TBC1D22A: variants seen among roughly 807,000 people sequenced by gnomAD.
The protein encoded by TBC1D22A is TBC1 domain family member 22A.
In TBC1D22A, 38 loss-of-function variants were observed where a neutral mutation model predicts 60.2. The observed-to-expected ratio is 0.63, with a 90% CI of 0.49 to 0.83. TBC1D22A has a LOEUF of 0.83. Among genes scored for constraint, TBC1D22A ranks in the 40% least tolerant of loss-of-function variants. TBC1D22A has a pLI of 0.00. For synonymous variants in TBC1D22A, 302 were observed against 281.7 expected (o/e 1.07, Z -0.72); for missense variants, 628 against 701.0 (o/e 0.90, Z 1.18).
At chr22:47,171,072 T>C (rs1317009029) in intron 12 of TBC1D22A, among the ~76,000 whole-genome samples, 3 of 152,142 alleles carry the variant, frequency 2.0e-5, no homozygotes, top group Non-Finnish European at 4.4e-5. Context: ...CCTGCACAGC[T>C]CAGCTCATCC....
At chr22:47,024,023 C>T (rs2062172382) in intron 10 of TBC1D22A, among the ~76,000 whole-genome samples, 1 of 152,212 alleles carries the variant, frequency 6.6e-6, no homozygotes. Flanking sequence ...TGTGGGTTTT[C>T]TAACACATGC....
chr22:47,112,638 C>T (rs1331194163), intron 12 of TBC1D22A, among the ~76,000 whole-genome samples: 1 of 152,236 alleles, frequency 6.6e-6, no homozygotes, highest in African/African-American at 2.4e-5. Context: ...GAGCTGCCAA[C>T]AGATCCTGGC....
intron 10 of TBC1D22A, among the ~76,000 whole-genome samples, chr22:47,016,657 C>T (rs1347135611): frequency 6.6e-6 from 1 of 152,234 alleles, no homozygotes; most frequent in Admixed American, 6.5e-5. Context: ...CCACCAAGCT[C>T]CTGTCCTTTG....
intron 9 of TBC1D22A, among the ~76,000 whole-genome samples, chr22:46,984,570 C>T (rs1203633034): frequency 6.6e-6 from 1 of 152,048 alleles, no homozygotes. Flanking sequence ...AGTCATACTG[C>T]TACTCTTAGG....
chr22:46,953,294 G>C (rs949135260), intron 8 of TBC1D22A, among the ~76,000 whole-genome samples: 1 of 151,958 alleles, frequency 6.6e-6, no homozygotes, highest in Non-Finnish European at 1.5e-5. Flanking sequence ...CTTTCTGTTG[G>C]CCCCTGGGTT....
At chr22:46,980,276 G>A (rs1016038171) in intron 9 of TBC1D22A, among the ~76,000 whole-genome samples, 4 of 152,162 alleles carry the variant, frequency 2.6e-5, no homozygotes, top group East Asian at 3.8e-4. Context: ...TCCATCTCCC[G>A]GGTTCAAGTG....
intron 1 of TBC1D22A, among the ~76,000 whole-genome samples, chr22:46,779,619 A>G (rs942911669): frequency 2.6e-5 from 4 of 152,206 alleles, no homozygotes; most frequent in East Asian, 3.9e-4. Flanking sequence ...ATAAACACAC[A>G]TTGCTTTTGT....
At chr22:47,112,489 C>G (rs1265556346) in intron 12 of TBC1D22A, among the ~76,000 whole-genome samples, 1 of 152,194 alleles carries the variant, frequency 6.6e-6, no homozygotes, top group Admixed American at 6.5e-5. Flanking sequence ...GCCTGTTGTT[C>G]CCCAGCTCTG....
chr22:47,115,770 A>G (rs927951128), intron 12 of TBC1D22A: 2 of 152,296 alleles, frequency 1.3e-5, no homozygotes, highest in African/African-American at 4.8e-5. Flanking sequence ...GGCCAGCTCC[A>G]GCATGTCATG....
intron 11 of TBC1D22A, among the ~76,000 whole-genome samples, chr22:47,070,614 C>T (rs71313090): frequency 0.015 from 1,205 of 78,978 alleles, no homozygotes; most frequent in Middle Eastern, 0.078. Flanking sequence ...TCCAGGCTGT[C>T]CCCTGTTGTT....
intron 6 of TBC1D22A, among the ~76,000 whole-genome samples, chr22:46,893,780 C>T (rs1295280344): frequency 1.3e-5 from 2 of 152,382 alleles, no homozygotes; most frequent in Non-Finnish European, 1.5e-5. Flanking sequence ...TCTTCCTCCT[C>T]CTCCTCGGCA....
Position 46,997,798 on chromosome 22 carries a change from C to T in TBC1D22A, c.1201+89C>T, listed in dbSNP as rs775501409. The T allele has an allele frequency of 5.7e-5, 69 of 1,215,892 alleles. 1 individual carries two copies. Among genetic ancestry groups the T allele is most frequent in the Non-Finnish European group, 7.7e-5 (64 of 831,108 alleles). The allele number at this position is 1,215,892 out of a possible 1,614,324, so 75.3% of individuals were successfully genotyped here. ...GGGACAGGGAGCTGTCCTCATCCGC[C>T]GGCAGCATCCTGGCCTGCTCAGGAT... On this transcript the variant is annotated intron_variant, in intron 10 of 12. Transcript: ENST00000337137.
chr22:46,891,505 G>A, intron 6 of TBC1D22A, 111 bp downstream of exon 6: 1 of 1,195,256 alleles, frequency 8.4e-7, no homozygotes. Flanking sequence ...AGTTAAAGAT[G>A]CAGGTCCCTG....
chr22:46,825,423 C>T (rs186311283), intron 4 of TBC1D22A, among the ~76,000 whole-genome samples: 16 of 152,238 alleles, frequency 1.1e-4, no homozygotes, highest in Admixed American at 1.0e-3. Context: ...ACTTTGTTCT[C>T]TCCCTTCATA....
chr22:46,765,956 TA>T (rs1375087379), intron 1 of TBC1D22A, among the ~76,000 whole-genome samples: 1 of 100,022 alleles, frequency 1.0e-5, no homozygotes, highest in African/African-American at 4.2e-5. Flanking sequence ...CCAGCTAATT[TA>T]TGTGTGTGTG....
intron 12 of TBC1D22A, among the ~76,000 whole-genome samples, chr22:47,141,065 G>C (rs1245431418): frequency 1.3e-5 from 2 of 152,338 alleles, no homozygotes; most frequent in South Asian, 4.1e-4. Context: ...GGCTGGGGAG[G>C]CCTCATAAAC....
At chr22:47,002,427 C>T (rs1406106199) in intron 10 of TBC1D22A, among the ~76,000 whole-genome samples, 1 of 152,200 alleles carries the variant, frequency 6.6e-6, no homozygotes, top group Non-Finnish European at 1.5e-5. Flanking sequence ...GCCAGCCCCA[C>T]CTGGTACTCA....
intron 4 of TBC1D22A, among the ~76,000 whole-genome samples, chr22:46,874,709 G>C (rs1166902525): frequency 6.6e-6 from 1 of 151,496 alleles, no homozygotes; most frequent in Non-Finnish European, 1.5e-5. Context: ...AAGTAGCTGG[G>C]ATTACAGGTG....
In TBC1D22A at chr22:46,840,598, TA is replaced by T. The variant is rs1166101734; in HGVS notation, c.638-38054del. 7.1e-4 allele frequency among the ~76,000 whole-genome samples: 108 copies of T among 152,100 alleles called. 1 individual carries two copies. Among genetic ancestry groups the T allele is most frequent in the African/African-American group, 2.2e-3 (91 of 41,490 alleles). ...AAATACAAAAATTAGCTGGGCATGG[TA>T]GTGTGCGCCTGTAGTCCCAGCTACT... On this transcript the variant is annotated intron_variant, in intron 4 of 12. Transcript: ENST00000337137.
Sources: gnomAD v4.1 joint callset for allele counts (sites outside exome capture counted in the v4.1 genomes callset) on GRCh38, gnomAD v4.1.1 for gene constraint, MANE v1.5 for transcripts, NCBI Gene and HGNC (gene_info 2026-07-23, HGNC 2026-07-21) for gene names.